The following OSBPL10 variants were observed in gnomAD, a reference collection of about 807,000 sequenced individuals.
OSBPL10 encodes the protein oxysterol binding protein like 10, also known as oxysterol-binding protein-related protein 10.
A neutral mutation model predicts 81.7 loss-of-function variants in OSBPL10; 49 were observed. That is an observed-to-expected ratio of 0.60 (90% CI 0.48 to 0.76). The LOEUF is 0.76. Among genes scored for constraint, OSBPL10 ranks in the 30% least tolerant of loss-of-function variants. The probability of loss-of-function intolerance (pLI) is 0.00; values close to 1 mark genes in which losing one functional copy is unlikely to be tolerated. For missense variants in OSBPL10, 923 were observed against 987.8 expected, an observed-to-expected ratio of 0.93 and a Z score of 0.88; for synonymous variants, 419 against 383.6, an observed-to-expected ratio of 1.09 and a Z score of -1.08.
intron 1 of OSBPL10, among the ~76,000 whole-genome samples, chr3:31,945,446 A>T (rs1305497791): frequency 6.6e-6 from 1 of 152,254 alleles, no homozygotes. Context: ...TGCTTTGACC[A>T]GAATCAGGCT....
intron 1 of OSBPL10, among the ~76,000 whole-genome samples, chr3:31,963,020 T>C (rs947059958): frequency 5.3e-5 from 8 of 152,166 alleles, no homozygotes; most frequent in Non-Finnish European, 8.8e-5. Context: ...AAAGGAGCCA[T>C]GTGTTTCCTT....
At chr3:31,681,872 C>T (rs1044140304) in intron 8 of OSBPL10, among the ~76,000 whole-genome samples, 7 of 152,198 alleles carry the variant, frequency 4.6e-5, no homozygotes, top group Non-Finnish European at 1.0e-4. Context: ...CAATTGCCTA[C>T]TTTAGCACTC....
chr3:31,927,887 T>C (rs1235166227), intron 1 of OSBPL10, among the ~76,000 whole-genome samples: 3 of 152,178 alleles, frequency 2.0e-5, no homozygotes, highest in Admixed American at 6.5e-5. Flanking sequence ...GTTAACACTA[T>C]GGAGCTCTTC....
At chr3:31,892,099 A>AGG (rs981015030) in intron 1 of OSBPL10, among the ~76,000 whole-genome samples, 3 of 152,058 alleles carry the variant, frequency 2.0e-5, no homozygotes, top group African/African-American at 7.2e-5. Context: ...TTGACTTACT[A>AGG]GGGCCTGTCT....
At chr3:31,710,398 T>G (rs747596401) in intron 6 of OSBPL10, among the ~76,000 whole-genome samples, 1 of 152,132 alleles carries the variant, frequency 6.6e-6, no homozygotes, top group Non-Finnish European at 1.5e-5. Context: ...TTCCTACTTG[T>G]GCTGCTCCCC....
intron 4 of OSBPL10, among the ~76,000 whole-genome samples, chr3:31,756,367 G>C (rs1697887033): frequency 6.6e-6 from 1 of 152,082 alleles, no homozygotes; most frequent in South Asian, 2.1e-4. Context: ...CTGGAAACCA[G>C]CTTTTTTGGT....
In OSBPL10 at chr3:31,912,987, T is replaced by C. The variant is rs1179259441; in HGVS notation, c.282-33157A>G. On this transcript the variant is annotated intron_variant, in intron 1 of 11. Transcript: ENST00000396556. The stretch of plus-strand genomic sequence containing the variant: ...AAGGCATTAGCAAGCTTAGAGATCT[T>C]ATTTGTGTTTGTACATACACACACA... Among the ~76,000 whole-genome samples, 7 of 152,332 alleles carry C rather than the reference T, an allele frequency of 4.6e-5. No individual in the cohort carries two copies. In the East Asian group the frequency reaches 1.4e-3, roughly 29 times the overall value.
chr3:31,721,993 G>A (rs1371860729), intron 6 of OSBPL10, among the ~76,000 whole-genome samples: 1 of 152,142 alleles, frequency 6.6e-6, no homozygotes, highest in Non-Finnish European at 1.5e-5. Flanking sequence ...TGGGGCTCCA[G>A]AGAGACATCA....
At chr3:31,953,077 G>T (rs893293831) in intron 1 of OSBPL10, among the ~76,000 whole-genome samples, 8 of 151,376 alleles carry the variant, frequency 5.3e-5, no homozygotes, top group Non-Finnish European at 1.2e-4. Context: ...GATTACAGGC[G>T]CCCACCACCA....
At chr3:32,022,586 G>A (rs1311582813) in intron 2 of OSBPL10, among the ~76,000 whole-genome samples, 1 of 152,146 alleles carries the variant, frequency 6.6e-6, no homozygotes, top group Non-Finnish European at 1.5e-5. Flanking sequence ...AGGAGTTTGA[G>A]ACTAGCTTAG....
At chr3:31,695,742 T>G (rs1452486471) in intron 7 of OSBPL10, among the ~76,000 whole-genome samples, 2 of 152,214 alleles carry the variant, frequency 1.3e-5, no homozygotes, top group Non-Finnish European at 2.9e-5. Context: ...TCCTCCTACC[T>G]GCTTCCTCTC....
chr3:31,757,762 T>C (rs2045298), intron 4 of OSBPL10, among the ~76,000 whole-genome samples: 86,694 of 152,096 alleles, frequency 0.57, 28,995 homozygotes, highest in East Asian at 0.84. Flanking sequence ...CTAAAGGAAA[T>C]AGTGAAGTGG....
rs146211280 is a variant in OSBPL10 at position 31,816,225 on chromosome 3, C to G, written c.729+13815G>C. ...ATGATCAGCCCACTGTGGCCTTGCC[C>G]TCTGGTGAATTCCTATGACAACTGT... On this transcript the variant is annotated intron_variant, in intron 4 of 11. Transcript: ENST00000396556. Among the ~76,000 whole-genome samples, 106 of 152,288 alleles carry G rather than the reference C, an allele frequency of 7.0e-4. 1 individual carries two copies. Among genetic ancestry groups the G allele is most frequent in the African/African-American group, 2.0e-3 (84 of 41,562 alleles).
intron 1 of OSBPL10, among the ~76,000 whole-genome samples, chr3:32,068,427 T>G (rs567394254): frequency 6.6e-5 from 10 of 152,288 alleles, no homozygotes; most frequent in South Asian, 2.1e-4. Flanking sequence ...CCCTTCTCCG[T>G]GTCTCTACCC....
chr3:31,765,740 G>A (rs1475911207), intron 4 of OSBPL10, among the ~76,000 whole-genome samples: 1 of 152,148 alleles, frequency 6.6e-6, no homozygotes, highest in East Asian at 1.9e-4. Context: ...GTAGGACCAG[G>A]TTTGGGTTTT....
At chr3:31,936,438 G>A (rs1575045830) in intron 1 of OSBPL10, among the ~76,000 whole-genome samples, 2 of 152,128 alleles carry the variant, frequency 1.3e-5, no homozygotes, top group Admixed American at 1.3e-4. Flanking sequence ...CATATTTATA[G>A]GGAAAAATCA....
chr3:31,928,296 C>T lies in OSBPL10; in HGVS notation c.282-48466G>A, dbSNP rs574378451. Among the ~76,000 whole-genome samples the T allele has an allele frequency of 2.6e-5, 4 of 152,206 alleles. No homozygotes were observed. The South Asian group carries it at 8.3e-4, about 32-fold the overall frequency. On this transcript the variant is annotated intron_variant, in intron 1 of 11. Transcript: ENST00000396556. The stretch of plus-strand genomic sequence containing the variant: ...CTGTCCATTTGGCATCTACCTTAAC[C>T]TGCCTGGAAAAAAACAATCCACTAA...
In OSBPL10 at chr3:31,664,165, G is replaced by C. The variant is rs375455808; in HGVS notation, c.2164C>G (p.Arg722Gly). The change falls in exon 11 of 12, where the codon CGG (arginine) becomes GGG (glycine). Residue 722 changes from arginine (R) to glycine (G), a missense_variant. This residue lies in a region of OSBPL10 where 387 missense variants were observed against 436.3 expected (regional missense o/e 0.89). Coordinates refer to ENST00000396556, the MANE Select transcript of OSBPL10 (RefSeq NM_017784.5). ...ACCCGTTGCTTCTCCTCCAGGTGCCGCTTCTGCTCGGTGGCTGCGTCAATG... is the reference window on the plus strand; with the variant it reads ...ACCCGTTGCTTCTCCTCCAGGTGCCCCTTCTGCTCGGTGGCTGCGTCAATG... ...GDIDAATEQK[R>G]HLEEKQRVEE... The C allele has an allele frequency of 6.2e-7, 1 of 1,613,554 alleles. No homozygotes were observed.
At chr3:31,931,014 CAAAAAAAAAAA>C (rs60251266) in intron 1 of OSBPL10, among the ~76,000 whole-genome samples, 1 of 62,064 alleles carries the variant, frequency 1.6e-5, no homozygotes, top group Non-Finnish European at 2.8e-5. Context: ...GACTCGGTCT[CAAAAAAAAAAA>C]AAAAAAAAAA....
Sources: gnomAD v4.1 joint callset for allele counts (sites outside exome capture counted in the v4.1 genomes callset) on GRCh38, gnomAD v4.1.1 for gene constraint, gnomAD v4.1.1 regional missense constraint, MANE v1.5 for transcripts, NCBI Gene and HGNC (gene_info 2026-07-23, HGNC 2026-07-21) for gene names.